GULP1: variants seen among roughly 807,000 people sequenced by gnomAD.
The protein encoded by GULP1 is PTB domain-containing engulfment adapter protein 1.
GULP1 carries 19 observed loss-of-function variants against 40.9 expected under a neutral mutation model. That is an observed-to-expected ratio of 0.46 (90% CI 0.32 to 0.68). The LOEUF is 0.68. GULP1 is among the 30% of genes least tolerant of loss of function. The pLI, the probability that GULP1 is intolerant of heterozygous loss-of-function variation, is 0.03. For missense variants in GULP1, 312 were observed against 362.2 expected, an observed-to-expected ratio of 0.86 and a Z score of 1.12; for synonymous variants, 119 against 117.6, an observed-to-expected ratio of 1.01 and a Z score of -0.08.
intron 2 of GULP1, among the ~76,000 whole-genome samples, chr2:188,412,357 GAAGT>G (rs1232375065): frequency 6.6e-6 from 1 of 152,088 alleles, no homozygotes; most frequent in Non-Finnish European, 1.5e-5. Flanking sequence ...CCTTCATTGT[GAAGT>G]AATAGTGTGA....
intron 1 of GULP1, among the ~76,000 whole-genome samples, chr2:188,337,144 A>ATATCTATCTG (rs2042381216): frequency 6.9e-6 from 1 of 144,236 alleles, no homozygotes; most frequent in African/African-American, 2.6e-5. Context: ...ATATCTATCT[A>ATATCTATCTG]TATATTTTTT....
rs118068225 is a variant in GULP1, at chr2:188,404,915, C to T, written c.-45+21026C>T. 9.8e-4 allele frequency among the ~76,000 whole-genome samples: 149 copies of T among 152,240 alleles called. No individual in the cohort carries two copies. The East Asian group carries it at 0.011, about 12-fold the overall frequency. Reference sequence around the variant, plus strand: ...CCCTTGACCTCAGGTGCTAGGCTTTCGACTGTAGACACAGGCTCTAAGCCT... The same window carrying T: ...CCCTTGACCTCAGGTGCTAGGCTTTTGACTGTAGACACAGGCTCTAAGCCT... On this transcript the variant is annotated intron_variant, in intron 2 of 11. Transcript: ENST00000409830.
At chr2:188,388,254 T>G (rs1335621551) in intron 2 of GULP1, among the ~76,000 whole-genome samples, 1 of 151,674 alleles carries the variant, frequency 6.6e-6, no homozygotes, top group Non-Finnish European at 1.5e-5. Context: ...CTAGGCCAAC[T>G]GCATTGGCTC....
At chr2:188,589,773 A>G (rs1703141917) in intron 11 of GULP1, 5 of 1,264,658 alleles carry the variant, frequency 4.0e-6, no homozygotes, top group Middle Eastern at 2.2e-4. Flanking sequence ...TTTTTATAAT[A>G]ATTTTAAACA....
chr2:188,501,358 C>T (rs1352438951), intron 4 of GULP1, among the ~76,000 whole-genome samples: 1 of 151,970 alleles, frequency 6.6e-6, no homozygotes, highest in Non-Finnish European at 1.5e-5. Context: ...CTTTTGCCTT[C>T]TGCCATGATT....
In GULP1 at chr2:188,386,602, A is replaced by G. The variant is rs545520164; in HGVS notation, c.-45+2713A>G. On this transcript the variant is annotated intron_variant, in intron 2 of 11. Transcript: ENST00000409830. ...TTTATTATTCAGTCAATATTCTTAT[A>G]GATAAATTGATATGTACATCACTTG... Among the ~76,000 whole-genome samples, 51 of 152,262 alleles carry G rather than the reference A, an allele frequency of 3.3e-4. 1 individual carries two copies. Among genetic ancestry groups the G allele is most frequent in the African/African-American group, 1.0e-3 (42 of 41,568 alleles).
rs1327606124 is a variant in GULP1, at chr2:188,594,489, TATAA to T, written c.*482_*485del. On this transcript the variant is annotated 3_prime_UTR_variant, in exon 12 of 12. Transcript: ENST00000409830. ...TTCATTGGACAGATATCATTTTATG[TATAA>T]ATACTGTTCACATCACTGGGAAAAT... 2 of 152,254 alleles carry T rather than the reference TATAA, an allele frequency of 1.3e-5. No individual in the cohort carries two copies. Among genetic ancestry groups the T allele is most frequent in the Non-Finnish European group, 2.9e-5 (2 of 68,012 alleles). The allele number at this position is 152,254 out of a possible 1,614,324, so 9.4% of individuals were successfully genotyped here.
chr2:188,460,081 C>T (rs2059579282), intron 2 of GULP1, among the ~76,000 whole-genome samples: 1 of 152,042 alleles, frequency 6.6e-6, no homozygotes, highest in Non-Finnish European at 1.5e-5. Flanking sequence ...TAATATGATT[C>T]CTCCATTTTT....
At chr2:188,337,637 C>T (rs758531940) in intron 1 of GULP1, among the ~76,000 whole-genome samples, 15 of 151,684 alleles carry the variant, frequency 9.9e-5, no homozygotes, top group Non-Finnish European at 1.9e-4. Context: ...GTGTGTTGTA[C>T]CCAGATCTTG....
intron 1 of GULP1, among the ~76,000 whole-genome samples, chr2:188,336,312 A>G (rs969875659): frequency 2.0e-5 from 3 of 152,198 alleles, no homozygotes; most frequent in Non-Finnish European, 2.9e-5. Flanking sequence ...GTGTGATTAT[A>G]TACAAATCAC....
chr2:188,423,949 T>C (rs942069027), intron 2 of GULP1, among the ~76,000 whole-genome samples: 6 of 151,848 alleles, frequency 4.0e-5, no homozygotes, highest in Admixed American at 6.6e-5. Context: ...AGTCCTAAAA[T>C]ATACCTTCAA....
chr2:188,461,901 T>G (rs2059738022), intron 2 of GULP1, among the ~76,000 whole-genome samples: 1 of 152,140 alleles, frequency 6.6e-6, no homozygotes. Context: ...ATTGCTTTTT[T>G]ATAGTGTTTT....
At chr2:188,380,136 T>C in intron 1 of GULP1, among the ~76,000 whole-genome samples, 1 of 152,186 alleles carries the variant, frequency 6.6e-6, no homozygotes, top group African/African-American at 2.4e-5. Context: ...GGGGTATAGG[T>C]ATGACTATTT....
At chr2:188,452,625 G>A (rs1006127229) in intron 2 of GULP1, among the ~76,000 whole-genome samples, 1 of 152,004 alleles carries the variant, frequency 6.6e-6, no homozygotes, top group African/African-American at 2.4e-5. Context: ...ACAACAAATG[G>A]TAGGTCCCTT....
At chr2:188,309,414 C>T (rs1037800018) in intron 1 of GULP1, among the ~76,000 whole-genome samples, 2 of 151,602 alleles carry the variant, frequency 1.3e-5, no homozygotes, top group East Asian at 1.9e-4. Flanking sequence ...TGCAGTGAGC[C>T]GAGATCACAC....
At chr2:188,473,514 C>T (rs1053967824) in intron 2 of GULP1, among the ~76,000 whole-genome samples, 1 of 152,034 alleles carries the variant, frequency 6.6e-6, no homozygotes, top group African/African-American at 2.4e-5. Context: ...AATCTTTCAT[C>T]CCCTTTCCAA....
chr2:188,511,220 C>CAATAGA (rs1450000626), intron 4 of GULP1, among the ~76,000 whole-genome samples: 1 of 152,114 alleles, frequency 6.6e-6, no homozygotes, highest in African/African-American at 2.4e-5. Context: ...ACCGCTCTCA[C>CAATAGA]AATAGAAACA....
chr2:188,397,365 C>G (rs1280384988), intron 2 of GULP1, among the ~76,000 whole-genome samples: 1 of 152,138 alleles, frequency 6.6e-6, no homozygotes, highest in African/African-American at 2.4e-5. Flanking sequence ...GTGCTGTGTA[C>G]CTTAACACCA....
At chr2:188,323,237 T>G (rs918639236) in intron 1 of GULP1, among the ~76,000 whole-genome samples, 6 of 152,048 alleles carry the variant, frequency 3.9e-5, no homozygotes, top group African/African-American at 1.4e-4. Flanking sequence ...GAATTGCCAT[T>G]GTACTTCCTG....
Sources: allele counts gnomAD v4.1 joint callset (sites outside exome capture counted in the v4.1 genomes callset), GRCh38; gene constraint gnomAD v4.1.1; transcripts MANE v1.5; gene names NCBI Gene and HGNC (gene_info 2026-07-23, HGNC 2026-07-21).